TRIM62: variants seen among roughly 807,000 people sequenced by gnomAD.
The protein encoded by TRIM62 is tripartite motif containing 62.
A neutral mutation model predicts 44.2 loss-of-function variants in TRIM62; 39 were observed. The observed-to-expected ratio is 0.88, with a 90% confidence interval of 0.68 to 1.15. TRIM62 has a LOEUF of 1.15. Ranked by LOEUF, TRIM62 falls within the 50% of genes most tolerant of loss-of-function variation. The pLI, the probability that TRIM62 is intolerant of heterozygous loss-of-function variation, is 0.00. For synonymous variants in TRIM62, 278 were observed against 292.3 expected (o/e 0.95, Z 0.50); for missense variants, 544 against 665.5 (o/e 0.82, Z 2.01).
rs904905848 is a variant in TRIM62, at chr1:33,145,839, C to T, written c.*1338G>A. 6 of 470,744 alleles carry T rather than the reference C, an allele frequency of 1.3e-5. No homozygotes were observed. Among genetic ancestry groups the T allele is most frequent in the African/African-American group, 6.0e-5 (3 of 50,078 alleles). The allele number at this position is 470,744 out of a possible 1,614,324, so 29.2% of individuals were successfully genotyped here. A position where few individuals can be genotyped will look rare whatever the true frequency, so the allele number is the denominator to read the frequency against. On this transcript the variant is annotated 3_prime_UTR_variant, in exon 5 of 5. Coordinates refer to ENST00000291416, the MANE Select transcript of TRIM62 (RefSeq NM_018207.3). ...CAGAAAAACGCAGGTGGGGCTTGCT[C>T]CACCCACCCTAACTTCCTTCTAGGG...
At chr1:33,174,949 A>T (rs919328767) in intron 1 of TRIM62, among the ~76,000 whole-genome samples, 7 of 7,428 alleles carry the variant, frequency 9.4e-4, no homozygotes, top group African/African-American at 1.7e-3. Context: ...ATGTGTGTAT[A>T]TATATATATA....
Position 33,181,271 on chromosome 1 carries a change from C to T in TRIM62, c.162G>A (p.Arg54=), listed in dbSNP as rs1325003226. The T allele has an allele frequency of 1.9e-5, 29 of 1,547,720 alleles. No homozygotes were observed. Among genetic ancestry groups the T allele is most frequent in the Admixed American group, 3.9e-5 (2 of 50,774 alleles). ...CCAGCGCGGGCTCGGCGAACGTGCGCCGGCACTCGGGGCAGTCGCGGGCGC... is the reference window on the plus strand; with the variant it reads ...CCAGCGCGGGCTCGGCGAACGTGCGTCGGCACTCGGGGCAGTCGCGGGCGC... ...AQGARDCPEC[R]RTFAEPALAP... is the part of the protein sequence containing the mutation. The change falls in exon 1 of 5, where the codon CGG becomes CGA. Residue 54 remains arginine (R), a synonymous_variant. Coordinates refer to ENST00000291416, the MANE Select transcript of TRIM62 (RefSeq NM_018207.3). This position sits in a 1 kb window ranked among gnomAD's most constrained non-coding sequence, Gnocchi z 6.5.
intron 4 of TRIM62, among the ~76,000 whole-genome samples, chr1:33,156,901 T>C (rs1394430410): frequency 6.6e-6 from 1 of 152,100 alleles, no homozygotes; most frequent in Non-Finnish European, 1.5e-5. Flanking sequence ...TTGGCTGTCC[T>C]TACAAAATAT....
At chr1:33,153,016 A>G (rs1645123374) in intron 4 of TRIM62, among the ~76,000 whole-genome samples, 1 of 110,286 alleles carries the variant, frequency 9.1e-6, no homozygotes, top group Non-Finnish European at 1.7e-5. Context: ...GAGCTTCCTA[A>G]TGTTAGGCTG....
rs750399153 is a variant in TRIM62, at chr1:33,181,462, G to A, written c.-30C>T. 3.2e-6 allele frequency: 5 copies of A among 1,560,662 alleles called. No homozygotes were observed. Among genetic ancestry groups the A allele is most frequent in the Non-Finnish European group, 4.3e-6 (5 of 1,161,994 alleles). ...CCAGGGGCAGCAGAGAGGGGGGCCC[G>A]AGGGGCAGGGGGGCGGCTGAGAGAG... On this transcript the variant is annotated 5_prime_UTR_variant, in exon 1 of 5. Coordinates refer to ENST00000291416, the MANE Select transcript of TRIM62 (RefSeq NM_018207.3). This position sits in a 1 kb window ranked among gnomAD's most constrained non-coding sequence, Gnocchi z 6.5.
In TRIM62 at chr1:33,159,909, C is replaced by T. The variant is rs1645239476; in HGVS notation, c.540G>A (p.Glu180=). 1 of 1,608,316 alleles carries T rather than the reference C, an allele frequency of 6.2e-7. No homozygotes were observed. ...GCAGCCGGTGCAGCCGCTCGAAGGC[C>T]TCGCCGATAGTGGTCCGCAGGCTCT... is the stretch of plus-strand genomic sequence containing the variant. ...STKSLRTTIG[E]AFERLHRLLR... is the part of the protein sequence containing the mutation. The change falls in exon 3 of 5, where the codon GAG becomes GAA. Residue 180 remains glutamate, a synonymous_variant. Coordinates refer to ENST00000291416, the MANE Select transcript of TRIM62 (RefSeq NM_018207.3). The surrounding 1 kb of genome is among the most constrained non-coding windows in gnomAD (Gnocchi z 4.2).
rs1016695760 is a variant in TRIM62, at chr1:33,159,339, A to G, written c.761+349T>C. 2.0e-5 allele frequency among the ~76,000 whole-genome samples: 3 copies of G among 152,150 alleles called. No individual in the cohort carries two copies. Among genetic ancestry groups the G allele is most frequent in the African/African-American group, 4.8e-5 (2 of 41,432 alleles). On this transcript the variant is annotated intron_variant, in intron 3 of 4. Coordinates refer to ENST00000291416, the MANE Select transcript of TRIM62 (RefSeq NM_018207.3). The surrounding 1 kb of genome is among the most constrained non-coding windows in gnomAD (Gnocchi z 4.2). The stretch of plus-strand genomic sequence containing the variant: ...AAATGCTACCTACTATCTATAATGT[A>G]TACAGAATATATTACATATATAATA...
At position 33,181,480 on chromosome 1, in the gene TRIM62, TGA is replaced by T. The variant is rs749461877; in HGVS notation, c.-50_-49del. The T allele has an allele frequency of 6.6e-7, 1 of 1,525,298 alleles. No individual in the cohort carries two copies. The highest frequency in any genetic ancestry group is 1.2e-5 in the South Asian group (1 of 81,390). The allele number at this position is 1,525,298 out of a possible 1,614,324, so 94.5% of individuals were successfully genotyped here. ...GGGGCCCGAGGGGCAGGGGGGCGGC[TGA>T]GAGAGCGCGGCGCTGTCGGAGGCAG... On this transcript the variant is annotated 5_prime_UTR_variant, in exon 1 of 5. Transcript: ENST00000291416. The surrounding 1 kb of genome is among the most constrained non-coding windows in gnomAD (Gnocchi z 6.5).
Position 33,165,755 on chromosome 1 carries a change from C to G in TRIM62, c.409-189G>C, listed in dbSNP as rs141293039. 1 of 429,470 alleles carries G rather than the reference C, an allele frequency of 2.3e-6. No individual in the cohort carries two copies. Among genetic ancestry groups the G allele is most frequent in the Non-Finnish European group, 4.1e-6 (1 of 242,978 alleles). The allele number at this position is 429,470 out of a possible 1,614,324, so 26.6% of individuals were successfully genotyped here. A position where few individuals can be genotyped will look rare whatever the true frequency, so the allele number is the denominator to read the frequency against. ...CTCCTAAACACCTCCAGAACCCGTC[C>G]GTATCTTTCACCTGCATCTTTGCAA... is the stretch of plus-strand genomic sequence containing the variant. On this transcript the variant is annotated intron_variant, in intron 1 of 4. Coordinates refer to ENST00000291416, the MANE Select transcript of TRIM62 (RefSeq NM_018207.3). This position sits in a 1 kb window ranked among gnomAD's most constrained non-coding sequence, Gnocchi z 4.0.
At chr1:33,158,047 G>C (rs113961839) in intron 4 of TRIM62, among the ~76,000 whole-genome samples, 2 of 152,272 alleles carry the variant, frequency 1.3e-5, no homozygotes, top group African/African-American at 4.8e-5. Context: ...GAGCCACCAC[G>C]CCCAGCCATC....
Position 33,157,550 on chromosome 1 carries a change from TTC to T in TRIM62, c.877+701_877+702del, listed in dbSNP as rs534818157. Among the ~76,000 whole-genome samples, 1,271 of 152,234 alleles carry T rather than the reference TTC, an allele frequency of 8.3e-3. 17 individuals are homozygous for T. Among genetic ancestry groups the T allele is most frequent in the African/African-American group, 0.029 (1,206 of 41,536 alleles). On this transcript the variant is annotated intron_variant, in intron 4 of 4. Transcript: ENST00000291416. ...TTTTTCTGATTTACTTTTGTCTACT[TTC>T]TATCTCACACCCTAGGATGTAAGAT...
intron 2 of TRIM62, chr1:33,164,323 A>C (rs917243536): frequency 6.6e-6 from 1 of 152,260 alleles, no homozygotes; most frequent in South Asian, 2.1e-4. Flanking sequence ...GGCCCAGCGC[A>C]TTCCTAAGGC....
chr1:33,165,589 A>T lies in TRIM62; in HGVS notation c.409-23T>A, dbSNP rs754843908. On this transcript the variant is annotated intron_variant, in intron 1 of 4. Coordinates refer to ENST00000291416, the MANE Select transcript of TRIM62 (RefSeq NM_018207.3). This position sits in a 1 kb window ranked among gnomAD's most constrained non-coding sequence, Gnocchi z 4.0. ...CCTCTGAAACACACACAGGGCCGGGATGGGGGCAGGGGCCATGCCTGGCCC... is the reference window on the plus strand; with the variant it reads ...CCTCTGAAACACACACAGGGCCGGGTTGGGGGCAGGGGCCATGCCTGGCCC... The T allele has an allele frequency of 6.3e-7, 1 of 1,589,804 alleles. No homozygotes were observed. The highest frequency in any genetic ancestry group is 8.6e-7 in the Non-Finnish European group (1 of 1,165,684).
intron 4 of TRIM62, among the ~76,000 whole-genome samples, chr1:33,151,656 C>T (rs983770800): frequency 1.3e-5 from 2 of 152,138 alleles, no homozygotes; most frequent in African/African-American, 2.4e-5. Context: ...TTCTAAGTCC[C>T]GGGACACCAA....
At chr1:33,180,897 T>G (rs1340843867) in intron 1 of TRIM62, 128 bp downstream of exon 1, 3 of 293,896 alleles carry the variant, frequency 1.0e-5, no homozygotes, top group Non-Finnish European at 5.1e-6. Flanking sequence ...GCCCTGACCT[T>G]GCTGGCGGCC....
Position 33,147,834 on chromosome 1 carries a change from T to G in TRIM62, c.878-107A>C. The G allele has an allele frequency of 6.6e-6, 8 of 1,203,732 alleles. No homozygotes were observed. Among genetic ancestry groups the G allele is most frequent in the African/African-American group, 1.5e-5 (1 of 65,888 alleles). 74.6% of individuals were successfully genotyped at this position (1,203,732 alleles called of 1,614,324 possible). A position where few individuals can be genotyped will look rare whatever the true frequency, so the allele number is the denominator to read the frequency against. Reference sequence around the variant, plus strand: ...TTCTGGTTGGTACGCAGGAGGCCTCTGACCTGCTGTGTGACCTTGAATACA... The same window carrying G: ...TTCTGGTTGGTACGCAGGAGGCCTCGGACCTGCTGTGTGACCTTGAATACA... On this transcript the variant is annotated intron_variant, in intron 4 of 4. Transcript: ENST00000291416. The surrounding 1 kb of genome is among the most constrained non-coding windows in gnomAD (Gnocchi z 8.1).
At position 33,159,994 on chromosome 1, in the gene TRIM62, A is replaced by C. The variant is rs748734443; in HGVS notation, c.505-50T>G. The C allele has an allele frequency of 6.3e-6, 10 of 1,579,456 alleles. No individual in the cohort carries two copies. Among genetic ancestry groups the C allele is most frequent in the African/African-American group, 1.3e-5 (1 of 74,322 alleles). ...TATGGCTGGGGGAGCAGATGGGGTG[A>C]TCTCTGGGTGAGAGGAGGAAATCGA... On this transcript the variant is annotated intron_variant, in intron 2 of 4. Transcript: ENST00000291416. This position sits in a 1 kb window ranked among gnomAD's most constrained non-coding sequence, Gnocchi z 4.2.
At chr1:33,172,937 A>G (rs546563447) in intron 1 of TRIM62, among the ~76,000 whole-genome samples, 31 of 152,320 alleles carry the variant, frequency 2.0e-4, no homozygotes, top group African/African-American at 7.5e-4. Flanking sequence ...ATGAAGGCTA[A>G]AGTGAGATGG....
chr1:33,172,559 C>A (rs628184), intron 1 of TRIM62, among the ~76,000 whole-genome samples: 150,372 of 152,118 alleles, frequency 0.99, 74,344 homozygotes, highest in Middle Eastern at 1. Context: ...GGGGGTGGGC[C>A]GGGCAGGATG....
Sources: allele counts gnomAD v4.1 joint callset (sites outside exome capture counted in the v4.1 genomes callset), GRCh38; gene constraint gnomAD v4.1.1; non-coding constraint Gnocchi (gnomAD v3.1); transcripts MANE v1.5; gene names NCBI Gene and HGNC (gene_info 2026-07-23, HGNC 2026-07-21).